HMBOX1: variants seen among roughly 807,000 people sequenced by gnomAD.
HMBOX1 encodes the protein homeobox containing 1.
HMBOX1 carries 14 observed loss-of-function variants against 54.5 expected under a neutral mutation model. That is an observed-to-expected ratio of 0.26 (90% CI 0.17 to 0.40). HMBOX1 has a LOEUF of 0.40. HMBOX1 is among the 10% of genes least tolerant of loss of function. HMBOX1 has a pLI of 1.00. For synonymous variants in HMBOX1, 160 were observed against 181.0 expected (o/e 0.88, Z 0.93); for missense variants, 332 against 514.4 (o/e 0.65, Z 3.43).
chr8:28,978,706 G>C (rs1008682706), intron 3 of HMBOX1, among the ~76,000 whole-genome samples: 12 of 150,826 alleles, frequency 8.0e-5, no homozygotes, highest in African/African-American at 2.9e-4. Flanking sequence ...AGAATTGCTT[G>C]CGCCCGGTAG....
intron 4 of HMBOX1, among the ~76,000 whole-genome samples, chr8:28,998,909 T>C (rs1274247156): frequency 2.6e-5 from 4 of 152,112 alleles, no homozygotes; most frequent in African/African-American, 7.2e-5. Flanking sequence ...TCTCCTATAA[T>C]AGGTTAATTT....
chr8:29,050,097 A>G (rs1253739989), intron 9 of HMBOX1: 2 of 242,828 alleles, frequency 8.2e-6, no homozygotes, highest in African/African-American at 4.6e-5. Flanking sequence ...CTGTTCGGAA[A>G]CATTCCTCTT....
At chr8:29,044,626 T>A (rs1200750997) in intron 6 of HMBOX1, among the ~76,000 whole-genome samples, 1 of 152,206 alleles carries the variant, frequency 6.6e-6, no homozygotes, top group Admixed American at 6.5e-5. Flanking sequence ...CTTTCATCTA[T>A]GCAAACTTAC....
At chr8:28,916,663 T>C (rs1816615594) in intron 1 of HMBOX1, among the ~76,000 whole-genome samples, 1 of 152,230 alleles carries the variant, frequency 6.6e-6, no homozygotes, top group Admixed American at 6.5e-5. Context: ...TTCTATTCTA[T>C]TGATCTATCT....
chr8:28,973,626 A>G (rs921391521), intron 3 of HMBOX1, among the ~76,000 whole-genome samples: 4 of 151,960 alleles, frequency 2.6e-5, no homozygotes, highest in African/African-American at 9.7e-5. Context: ...TGGAAGTGGT[A>G]GTCTCTGGTG....
chr8:28,998,365 T>C (rs565187317), intron 4 of HMBOX1, among the ~76,000 whole-genome samples: 35 of 152,330 alleles, frequency 2.3e-4, no homozygotes, highest in African/African-American at 7.2e-4. Context: ...TTTATAGTTA[T>C]ATCTTCCTCG....
intron 1 of HMBOX1, among the ~76,000 whole-genome samples, chr8:28,953,652 A>T (rs1163481349): frequency 6.6e-6 from 1 of 151,986 alleles, no homozygotes; most frequent in African/African-American, 2.4e-5. Flanking sequence ...TGGAAATCAG[A>T]TATTGGCATT....
At chr8:29,034,626 C>T (rs56962442) in intron 6 of HMBOX1, among the ~76,000 whole-genome samples, 156 of 152,310 alleles carry the variant, frequency 1.0e-3, no homozygotes, top group African/African-American at 3.7e-3. Flanking sequence ...GAGGCCAAGG[C>T]AGGTAGATGA....
chr8:29,024,208 A>G (rs532742025), intron 6 of HMBOX1, among the ~76,000 whole-genome samples: 3 of 152,356 alleles, frequency 2.0e-5, no homozygotes, highest in African/African-American at 4.8e-5. Context: ...CTATTATGAC[A>G]AAAGGAGCAT....
At chr8:28,912,905 T>C (rs1370914195) in intron 1 of HMBOX1, among the ~76,000 whole-genome samples, 1 of 152,184 alleles carries the variant, frequency 6.6e-6, no homozygotes, top group East Asian at 1.9e-4. Context: ...AAAAACATAC[T>C]TAAGTTTTCT....
Position 29,051,240 on chromosome 8 carries a change from C to G in HMBOX1, c.*85C>G, listed in dbSNP as rs142408867. On this transcript the variant is annotated 3_prime_UTR_variant, in exon 10 of 10. Transcript: ENST00000287701. ...CCTCGGTCCTTAACATGTGTTCTTA[C>G]AGTATAACTTGCAGTTTCTTGTATG... 116 of 1,450,794 alleles carry G rather than the reference C, an allele frequency of 8.0e-5. No homozygotes were observed. In the East Asian group the frequency reaches 2.6e-3, roughly 33 times the overall value. 89.9% of individuals were successfully genotyped at this position (1,450,794 alleles called of 1,614,324 possible).
chr8:29,000,619 C>A (rs1294032560), intron 4 of HMBOX1, among the ~76,000 whole-genome samples: 2 of 152,248 alleles, frequency 1.3e-5, no homozygotes, highest in Non-Finnish European at 2.9e-5. Context: ...GCTATTCACA[C>A]TGAGTGAGAT....
At chr8:28,946,517 C>T (rs1822485207) in intron 1 of HMBOX1, among the ~76,000 whole-genome samples, 1 of 151,806 alleles carries the variant, frequency 6.6e-6, no homozygotes, top group Admixed American at 6.6e-5. Flanking sequence ...TTGCAGTGAG[C>T]TGACATGGTG....
chr8:28,928,609 A>G (rs888640434), intron 1 of HMBOX1, among the ~76,000 whole-genome samples: 4 of 152,254 alleles, frequency 2.6e-5, no homozygotes, highest in African/African-American at 9.6e-5. Context: ...GAAACAACCT[A>G]AGTTCTGTCC....
chr8:28,938,069 C>G (rs1820705727), intron 1 of HMBOX1, among the ~76,000 whole-genome samples: 2 of 152,082 alleles, frequency 1.3e-5, no homozygotes, highest in Non-Finnish European at 2.9e-5. Context: ...TACTAGAGTT[C>G]TTATATGTCT....
At chr8:28,916,691 G>A (rs961683830) in intron 1 of HMBOX1, among the ~76,000 whole-genome samples, 4 of 151,652 alleles carry the variant, frequency 2.6e-5, no homozygotes, top group African/African-American at 4.8e-5. Context: ...CCTTTTCTAC[G>A]AACACACTAT....
At chr8:29,043,503 C>CAGA (rs1446520288) in intron 6 of HMBOX1, among the ~76,000 whole-genome samples, 1 of 152,256 alleles carries the variant, frequency 6.6e-6, no homozygotes, top group Non-Finnish European at 1.5e-5. Context: ...GTGAACACTT[C>CAGA]AGAGTCAGAA....
At chr8:28,939,898 A>T (rs1032232798) in intron 1 of HMBOX1, among the ~76,000 whole-genome samples, 2 of 152,282 alleles carry the variant, frequency 1.3e-5, no homozygotes, top group African/African-American at 4.8e-5. Context: ...GCTGCTTTTT[A>T]AAAAATCTCT....
intron 1 of HMBOX1, among the ~76,000 whole-genome samples, chr8:28,948,551 C>T (rs1276402576): frequency 5.3e-5 from 8 of 152,156 alleles, no homozygotes; most frequent in Non-Finnish European, 1.5e-5. Context: ...TCTGTTTGCG[C>T]ATTTATAACA....
Sources: allele counts gnomAD v4.1 joint callset (sites outside exome capture counted in the v4.1 genomes callset), GRCh38; gene constraint gnomAD v4.1.1; transcripts MANE v1.5; gene names NCBI Gene and HGNC (gene_info 2026-07-23, HGNC 2026-07-21).